Variants in SMYD3 observed in about 807,000 individuals in gnomAD.
SMYD3 encodes SET and MYND domain containing 3, also known as histone-lysine N-methyltransferase SMYD3.
SMYD3 carries 36 observed loss-of-function variants against 57.7 expected under a neutral mutation model. The observed-to-expected ratio is 0.62, with a 90% CI of 0.48 to 0.82. The LOEUF (loss-of-function observed/expected upper bound fraction) is 0.82, where lower values mean the gene tolerates loss of function less well. Ranked by LOEUF, SMYD3 falls within the 40% of genes least tolerant of loss-of-function variation. SMYD3 has a pLI of 0.00. For synonymous variants in SMYD3, 211 were observed against 195.0 expected (o/e 1.08, Z -0.68); for missense variants, 515 against 538.8 (o/e 0.96, Z 0.44).
At chr1:245,825,610 A>C (rs780530317) in intron 10 of SMYD3, among the ~76,000 whole-genome samples, 1 of 152,132 alleles carries the variant, frequency 6.6e-6, no homozygotes, top group Non-Finnish European at 1.5e-5. Flanking sequence ...AGCTTTTAAA[A>C]ATGCCTTTGT....
chr1:246,413,613 T>A (rs550057219), intron 1 of SMYD3, among the ~76,000 whole-genome samples: 1 of 152,160 alleles, frequency 6.6e-6, no homozygotes, highest in East Asian at 1.9e-4. Context: ...GCTGTGCTCA[T>A]GATAAGATAC....
chr1:246,060,480 T>A (rs1007191966), intron 5 of SMYD3, among the ~76,000 whole-genome samples: 4 of 152,070 alleles, frequency 2.6e-5, no homozygotes, highest in Admixed American at 2.6e-4. Flanking sequence ...AAAAATGGCA[T>A]AACATTCCCA....
intron 10 of SMYD3, among the ~76,000 whole-genome samples, chr1:245,854,945 C>T (rs1412912134): frequency 1.3e-5 from 2 of 152,206 alleles, no homozygotes; most frequent in Non-Finnish European, 2.9e-5. Context: ...TTTCAATCCT[C>T]TGACACCATG....
At position 245,873,776 on chromosome 1, in the gene SMYD3, T is replaced by C. The variant is rs547756902; in HGVS notation, c.814-9890A>G. 1.9e-3 allele frequency among the ~76,000 whole-genome samples: 284 copies of C among 152,268 alleles called. 1 individual carries two copies. The highest frequency in any genetic ancestry group is 3.3e-3 in the Non-Finnish European group (225 of 68,016). On this transcript the variant is annotated intron_variant, in intron 8 of 11. Coordinates refer to ENST00000490107, the MANE Select transcript of SMYD3 (RefSeq NM_001167740.2). ...AGACATTCAGACATGGGATGAATGA[T>C]AGCTTGATTTGGGTTCTGTGCTGTT...
chr1:246,331,765 C>A (rs1032723960), intron 3 of SMYD3, among the ~76,000 whole-genome samples: 1 of 152,154 alleles, frequency 6.6e-6, no homozygotes, highest in Non-Finnish European at 1.5e-5. Flanking sequence ...TCTAACAACA[C>A]GTGTTCACTT....
chr1:246,119,410 T>G (rs889646901), intron 5 of SMYD3, among the ~76,000 whole-genome samples: 21 of 137,728 alleles, frequency 1.5e-4, no homozygotes, highest in African/African-American at 6.9e-4. Context: ...CTTTTTGTTC[T>G]TTCTTTTTTT....
chr1:246,004,286 G>T (rs544133843), intron 5 of SMYD3, among the ~76,000 whole-genome samples: 8 of 152,118 alleles, frequency 5.3e-5, no homozygotes, highest in African/African-American at 1.9e-4. Context: ...ATGCAAAAAA[G>T]AGAGAGAAGA....
intron 5 of SMYD3, among the ~76,000 whole-genome samples, chr1:246,280,787 GTT>G (rs1399243472): frequency 2.0e-5 from 3 of 152,112 alleles, no homozygotes; most frequent in African/African-American, 7.2e-5. Context: ...CATCTTTTCT[GTT>G]TCTGCATTTA....
At chr1:245,854,023 C>A (rs1288975523) in intron 10 of SMYD3, among the ~76,000 whole-genome samples, 2 of 152,168 alleles carry the variant, frequency 1.3e-5, no homozygotes, top group Admixed American at 6.5e-5. Context: ...TGTTCTTCTG[C>A]CTTTTTCCCA....
At chr1:245,822,494 A>G (rs1309385463) in intron 10 of SMYD3, among the ~76,000 whole-genome samples, 10 of 150,936 alleles carry the variant, frequency 6.6e-5, no homozygotes, top group African/African-American at 2.2e-4. Context: ...ACATGTATAC[A>G]TATGTAACTA....
intron 5 of SMYD3, among the ~76,000 whole-genome samples, chr1:245,932,981 A>T (rs1417027017): frequency 6.6e-6 from 1 of 152,168 alleles, no homozygotes; most frequent in Non-Finnish European, 1.5e-5. Flanking sequence ...CACTATCTCA[A>T]TTAACAACCT....
intron 10 of SMYD3, among the ~76,000 whole-genome samples, chr1:245,816,517 T>A (rs368338394): frequency 2.4e-4 from 24 of 100,216 alleles, no homozygotes; most frequent in Admixed American, 4.5e-4. Flanking sequence ...TTCATCTATG[T>A]AAAAAAAAAA....
intron 5 of SMYD3, among the ~76,000 whole-genome samples, chr1:246,044,695 C>A: frequency 6.6e-6 from 1 of 152,010 alleles, no homozygotes; most frequent in East Asian, 1.9e-4. Context: ...AGGTGTGCAA[C>A]AAATTAGGTC....
intron 1 of SMYD3, among the ~76,000 whole-genome samples, chr1:246,459,158 A>T (rs1426708112): frequency 6.6e-6 from 1 of 150,746 alleles, no homozygotes; most frequent in East Asian, 1.9e-4. Flanking sequence ...GTCCCCCTTC[A>T]CTCTCTCCTG....
At chr1:246,288,230 C>T (rs1178697846) in intron 5 of SMYD3, among the ~76,000 whole-genome samples, 1 of 151,886 alleles carries the variant, frequency 6.6e-6, no homozygotes, top group East Asian at 1.9e-4. Context: ...TGTACCACCA[C>T]GCCTGGCTAA....
intron 10 of SMYD3, among the ~76,000 whole-genome samples, chr1:245,831,578 A>G (rs936501649): frequency 1.3e-5 from 2 of 152,192 alleles, no homozygotes; most frequent in African/African-American, 2.4e-5. Flanking sequence ...CATCACTCAC[A>G]CAAAGGTTGT....
chr1:245,817,230 T>TCCCTGAC (rs546688103), intron 10 of SMYD3, among the ~76,000 whole-genome samples: 3 of 144,968 alleles, frequency 2.1e-5, no homozygotes, highest in Non-Finnish European at 3.0e-5. Flanking sequence ...CTCAAGTGGG[T>TCCCTGAC]CCCTGACCCC....
intron 5 of SMYD3, chr1:246,326,740 G>T (rs2065359829): frequency 7.2e-6 from 2 of 277,022 alleles, no homozygotes; most frequent in Admixed American, 5.1e-5. Context: ...CTCAAGCCTG[G>T]GTGACAGAAC....
intron 1 of SMYD3, among the ~76,000 whole-genome samples, chr1:246,502,009 C>T (rs1004854770): frequency 5.3e-5 from 8 of 152,142 alleles, no homozygotes; most frequent in African/African-American, 1.9e-4. Flanking sequence ...GAAGATGTTC[C>T]CTTCCATCTC....
Sources: allele counts gnomAD v4.1 joint callset (sites outside exome capture counted in the v4.1 genomes callset), GRCh38; gene constraint gnomAD v4.1.1; transcripts MANE v1.5; gene names NCBI Gene and HGNC (gene_info 2026-07-23, HGNC 2026-07-21).